DSCAM: variants seen among roughly 807,000 people sequenced by gnomAD.
DSCAM encodes DS cell adhesion molecule, also known as cell adhesion molecule DSCAM.
DSCAM carries 47 observed loss-of-function variants against 217.7 expected under a neutral mutation model. The observed-to-expected ratio is 0.22, with a 90% CI of 0.17 to 0.28. DSCAM has a LOEUF of 0.28. DSCAM is among the 10% of genes least tolerant of loss of function. The probability of loss-of-function intolerance (pLI) is 1.00; values close to 1 mark genes in which losing one functional copy is unlikely to be tolerated. For missense variants in DSCAM, 2,080 were observed against 2,618.3 expected (o/e 0.79, Z 4.49); for synonymous variants, 1,056 against 1,015.3 (o/e 1.04, Z -0.76).
chr21:40,287,897 G>T (rs1235092725), intron 10 of DSCAM, among the ~76,000 whole-genome samples: 4 of 152,142 alleles, frequency 2.6e-5, no homozygotes, highest in South Asian at 4.1e-4. Context: ...ATTCTCTGGA[G>T]CCTCCAGGGA....
At chr21:40,457,382 C>G (rs1360987068) in intron 3 of DSCAM, among the ~76,000 whole-genome samples, 1 of 152,022 alleles carries the variant, frequency 6.6e-6, no homozygotes, top group Non-Finnish European at 1.5e-5. Context: ...TGTGGTGGCA[C>G]ATGCCTGTGG....
chr21:40,470,546 A>C (rs1040828955), intron 3 of DSCAM, among the ~76,000 whole-genome samples: 3 of 152,070 alleles, frequency 2.0e-5, no homozygotes, highest in African/African-American at 7.2e-5. Flanking sequence ...CATGCACCTG[A>C]AGTGTTTTGT....
At chr21:40,211,979 G>A (rs1264118350) in intron 11 of DSCAM, among the ~76,000 whole-genome samples, 2 of 150,056 alleles carry the variant, frequency 1.3e-5, no homozygotes, top group East Asian at 3.9e-4. Context: ...TTTTTTTGGT[G>A]TGGGGGGTGG....
intron 3 of DSCAM, among the ~76,000 whole-genome samples, chr21:40,572,322 A>G (rs1013237576): frequency 1.3e-5 from 2 of 152,216 alleles, no homozygotes; most frequent in African/African-American, 4.8e-5. Context: ...GCAAACTCCT[A>G]AAAAATAACA....
At chr21:40,776,264 T>C (rs936285180) in intron 1 of DSCAM, among the ~76,000 whole-genome samples, 1 of 152,166 alleles carries the variant, frequency 6.6e-6, no homozygotes, top group South Asian at 2.1e-4. Flanking sequence ...GATCTTTCAG[T>C]GTTGTTATTT....
Position 40,042,534 on chromosome 21 carries a change from G to A in DSCAM, c.5523C>T (p.Asp1841=). Residue 1841 remains aspartate (D), a synonymous_variant, in exon 32 of 33, where the codon GAC becomes GAT. Transcript: ENST00000400454. ...KFTITECFIS[D]TSSEQLTAGT... is the part of the protein sequence containing the mutation. The stretch of plus-strand genomic sequence containing the variant: ...CTGCCGTCAACTGCTCCGATGACGT[G>A]TCTGATATGAAGCACTCCGTGATGG... 6.2e-7 allele frequency: 1 copy of A among 1,614,174 alleles called. No individual in the cohort carries two copies. The highest frequency in any genetic ancestry group is 2.2e-5 in the East Asian group (1 of 44,858).
In DSCAM at chr21:40,134,153, T is replaced by A. The variant is rs575460371; in HGVS notation, c.3407-144A>T. 2.9e-4 allele frequency: 301 copies of A among 1,041,778 alleles called. 1 individual carries two copies. The highest frequency in any genetic ancestry group is 3.4e-4 in the East Asian group (12 of 35,312). 64.5% of individuals were successfully genotyped at this position (1,041,778 alleles called of 1,614,324 possible). ...GACACGAGAATTCTCAAAGGGACTG[T>A]GCACAGTCATCCTGTGAGCTCATGG... On this transcript the variant is annotated intron_variant, in intron 18 of 32. Coordinates refer to ENST00000400454, the MANE Select transcript of DSCAM (RefSeq NM_001389.5).
intron 3 of DSCAM, among the ~76,000 whole-genome samples, chr21:40,458,412 T>C (rs1253827439): frequency 2.6e-5 from 4 of 152,110 alleles, no homozygotes; most frequent in African/African-American, 9.7e-5. Flanking sequence ...CTAGGTAATA[T>C]GTTAAAAGCA....
chr21:40,756,851 G>A (rs1002747228), intron 1 of DSCAM, among the ~76,000 whole-genome samples: 1 of 152,094 alleles, frequency 6.6e-6, no homozygotes, highest in African/African-American at 2.4e-5. Flanking sequence ...GTTGGTCAAA[G>A]GCCATACAGT....
At chr21:40,617,650 C>T (rs1433920027) in intron 3 of DSCAM, among the ~76,000 whole-genome samples, 1 of 152,240 alleles carries the variant, frequency 6.6e-6, no homozygotes, top group Non-Finnish European at 1.5e-5. Flanking sequence ...GCGTAAGCAG[C>T]ACCCCTGGTC....
intron 15 of DSCAM, among the ~76,000 whole-genome samples, chr21:40,168,891 T>C (rs539541170): frequency 4.6e-5 from 7 of 152,306 alleles, no homozygotes; most frequent in Admixed American, 2.6e-4. Context: ...ACTTAGCTTG[T>C]CTGTGACTCC....
At chr21:40,635,272 G>C (rs1162753179) in intron 3 of DSCAM, among the ~76,000 whole-genome samples, 1 of 152,188 alleles carries the variant, frequency 6.6e-6, no homozygotes, top group East Asian at 1.9e-4. Context: ...ATGTCAGCAG[G>C]AGGGAAAAGG....
chr21:40,117,285 G>T (rs2089982137), intron 20 of DSCAM, among the ~76,000 whole-genome samples: 1 of 152,118 alleles, frequency 6.6e-6, no homozygotes, highest in South Asian at 2.1e-4. Context: ...TACCAGGTTT[G>T]CCAGTCTATG....
At chr21:40,555,357 A>T (rs1440537947) in intron 3 of DSCAM, among the ~76,000 whole-genome samples, 1 of 152,218 alleles carries the variant, frequency 6.6e-6, no homozygotes, top group East Asian at 1.9e-4. Flanking sequence ...TAACATCCAA[A>T]GAAAAATAGT....
intron 3 of DSCAM, among the ~76,000 whole-genome samples, chr21:40,473,548 C>T (rs539634645): frequency 3.9e-5 from 6 of 152,278 alleles, no homozygotes; most frequent in Non-Finnish European, 5.9e-5. Flanking sequence ...AATTGGGCAG[C>T]GGTCACCTAT....
intron 11 of DSCAM, among the ~76,000 whole-genome samples, chr21:40,261,650 TCTACACACACACAC>T (rs1270527138): frequency 4.4e-5 from 5 of 112,646 alleles, no homozygotes; most frequent in Non-Finnish European, 1.0e-4. Flanking sequence ...TCTCTCTCTC[TCTACACACACACAC>T]ACACACACAC....
intron 3 of DSCAM, among the ~76,000 whole-genome samples, chr21:40,381,062 C>CAAAAAAAAAAAAAAAAAAAAAAAA (rs71186932): frequency 6.0e-5 from 4 of 66,212 alleles, no homozygotes; most frequent in East Asian, 5.9e-4. Flanking sequence ...GACTCCGTCT[C>CAAAAAAAAAAAAAAAAAAAAAAAA]AAAAAAAAAA....
At chr21:40,450,098 C>A (rs538483385) in intron 3 of DSCAM, among the ~76,000 whole-genome samples, 115 of 152,160 alleles carry the variant, frequency 7.6e-4, no homozygotes, top group Middle Eastern at 3.4e-3. Flanking sequence ...AGTGAAAAGT[C>A]TTAGAAAGCT....
intron 3 of DSCAM, among the ~76,000 whole-genome samples, chr21:40,580,549 A>G (rs915483438): frequency 6.6e-6 from 1 of 152,020 alleles, no homozygotes; most frequent in Non-Finnish European, 1.5e-5. Context: ...AAAAAAAAAC[A>G]AAACAGACTA....
Sources: gnomAD v4.1 joint callset for allele counts (sites outside exome capture counted in the v4.1 genomes callset) on GRCh38, gnomAD v4.1.1 for gene constraint, MANE v1.5 for transcripts, NCBI Gene and HGNC (gene_info 2026-07-23, HGNC 2026-07-21) for gene names.